Variants in ANKS1B observed in about 807,000 individuals in gnomAD.
ANKS1B encodes the protein ankyrin repeat and sterile alpha motif domain-containing protein 1B.
In ANKS1B, 36 loss-of-function variants were observed where a neutral mutation model predicts 148.3. The observed-to-expected ratio is 0.24, with a 90% CI of 0.19 to 0.32. ANKS1B has a LOEUF of 0.32. ANKS1B is among the 10% of genes least tolerant of loss of function. The pLI, the probability that ANKS1B is intolerant of heterozygous loss-of-function variation, is 1.00. For synonymous variants in ANKS1B, 542 were observed against 560.8 expected, an observed-to-expected ratio of 0.97 and a Z score of 0.47; for missense variants, 1,157 against 1,542.6, an observed-to-expected ratio of 0.75 and a Z score of 4.19.
chr12:98,737,631 AAC>A (rs2097779993), intron 9 of ANKS1B, among the ~76,000 whole-genome samples: 2 of 152,332 alleles, frequency 1.3e-5, no homozygotes, highest in South Asian at 4.1e-4. Context: ...ACGTGTTCAT[AAC>A]ACAGTCTATG....
At chr12:99,360,964 T>C (rs1593074841) in intron 12 of ANKS1B, among the ~76,000 whole-genome samples, 1 of 151,870 alleles carries the variant, frequency 6.6e-6, no homozygotes, top group South Asian at 2.1e-4. Context: ...CTGGGAAGGG[T>C]AGCTGGGGGA....
intron 9 of ANKS1B, 87 bp from the exon 10 acceptor site, chr12:99,504,728 A>C (rs2096689404): frequency 1.9e-6 from 2 of 1,032,456 alleles, no homozygotes; most frequent in East Asian, 2.7e-5. Context: ...AATCAGGTTC[A>C]TTAGTTCTTT....
chr12:99,546,444 A>T (rs1311512805), intron 9 of ANKS1B, among the ~76,000 whole-genome samples: 1 of 152,134 alleles, frequency 6.6e-6, no homozygotes, highest in African/African-American at 2.4e-5. Context: ...TGTTCTAGTC[A>T]CTCTAGAAGT....
Position 98,800,944 on chromosome 12 carries a change from A to C in ANKS1B, c.3270+53T>G. ...TCAATGTAAATGCAAACAAGCTGAA[A>C]ACATACCCCCTATCTCCACTTAGGC... On this transcript the variant is annotated intron_variant, in intron 21 of 26. Coordinates refer to ENST00000683438, the MANE Select transcript of ANKS1B (RefSeq NM_001352186.2). The C allele has an allele frequency of 1.3e-6, 2 of 1,564,930 alleles. 1 individual carries two copies. Among genetic ancestry groups the C allele is most frequent in the South Asian group, 2.4e-5 (2 of 82,800 alleles).
chr12:99,309,611 TCA>T (rs1336232957), intron 12 of ANKS1B, among the ~76,000 whole-genome samples: 1 of 152,016 alleles, frequency 6.6e-6, no homozygotes, highest in Non-Finnish European at 1.5e-5. Flanking sequence ...ATACATCTAG[TCA>T]CACATAAATA....
At chr12:99,370,065 T>G (rs898728072) in intron 12 of ANKS1B, among the ~76,000 whole-genome samples, 5 of 144,584 alleles carry the variant, frequency 3.5e-5, no homozygotes, top group Non-Finnish European at 7.6e-5. Flanking sequence ...CCCTTATAAG[T>G]GTGTAGGAGA....
chr12:99,021,603 C>T (rs148431005), intron 17 of ANKS1B, among the ~76,000 whole-genome samples: 1 of 152,102 alleles, frequency 6.6e-6, no homozygotes, highest in Non-Finnish European at 1.5e-5. Flanking sequence ...AGCATTATGA[C>T]TTTCACCTTG....
intron 14 of ANKS1B, among the ~76,000 whole-genome samples, chr12:99,233,228 G>T (rs897068118): frequency 6.6e-6 from 1 of 151,936 alleles, no homozygotes; most frequent in Non-Finnish European, 1.5e-5. Context: ...AACACTTCCG[G>T]TCACAAGCAT....
chr12:99,648,802 A>G, intron 9 of ANKS1B: 3 of 1,602,162 alleles, frequency 1.9e-6, no homozygotes, highest in Non-Finnish European at 2.6e-6. Context: ...GAGTCTATGC[A>G]GAGACTAGAT....
intron 10 of ANKS1B, among the ~76,000 whole-genome samples, chr12:99,467,345 C>A (rs919052300): frequency 2.6e-5 from 4 of 152,132 alleles, no homozygotes; most frequent in Non-Finnish European, 5.9e-5. Context: ...ACTGAATGGG[C>A]AAAAACTGGA....
rs116697224 is a variant in ANKS1B, at chr12:99,773,729, T to C, written c.962-641A>G. Among the ~76,000 whole-genome samples, 966 of 152,226 alleles carry C rather than the reference T, an allele frequency of 6.3e-3. 16 individuals carry two copies. The highest frequency in any genetic ancestry group is 0.023 in the African/African-American group (942 of 41,556). On this transcript the variant is annotated intron_variant, in intron 7 of 26. Coordinates refer to ENST00000683438, the MANE Select transcript of ANKS1B (RefSeq NM_001352186.2). ...TGCCCAGCAGTTACAATCCAGATTT[T>C]AATATTTTTATTCTGACATAAAAAC... is the stretch of plus-strand genomic sequence containing the variant.
At chr12:99,427,594 T>C (rs1276741606) in intron 11 of ANKS1B, among the ~76,000 whole-genome samples, 1 of 152,204 alleles carries the variant, frequency 6.6e-6, no homozygotes, top group Non-Finnish European at 1.5e-5. Context: ...TGAAGTTATA[T>C]TCTCTATTTA....
chr12:98,819,706 C>A (rs1296589125), intron 19 of ANKS1B, among the ~76,000 whole-genome samples: 1 of 152,200 alleles, frequency 6.6e-6, no homozygotes, highest in Non-Finnish European at 1.5e-5. Context: ...CATACATTTT[C>A]TGGCCCCTTC....
intron 17 of ANKS1B, among the ~76,000 whole-genome samples, chr12:99,045,450 T>C (rs1250054437): frequency 6.6e-6 from 1 of 152,124 alleles, no homozygotes; most frequent in Admixed American, 6.5e-5. Flanking sequence ...TAAAATCCTT[T>C]AGTGACTCCC....
At chr12:99,825,090 G>C (rs2083016517) in intron 2 of ANKS1B, among the ~76,000 whole-genome samples, 2 of 152,140 alleles carry the variant, frequency 1.3e-5, no homozygotes, top group African/African-American at 4.8e-5. Context: ...GATAGGTTGA[G>C]TATTTTAGAG....
intron 17 of ANKS1B, among the ~76,000 whole-genome samples, chr12:98,917,349 C>T (rs2099795742): frequency 6.6e-6 from 1 of 152,154 alleles, no homozygotes; most frequent in Non-Finnish European, 1.5e-5. Context: ...CTATGCTACC[C>T]TCAGGAAATG....
At chr12:99,675,669 C>T (rs1297921968) in intron 8 of ANKS1B, among the ~76,000 whole-genome samples, 1 of 151,468 alleles carries the variant, frequency 6.6e-6, no homozygotes, top group African/African-American at 2.4e-5. Flanking sequence ...ACCAATCTAA[C>T]CCAAAAAAAG....
At chr12:98,922,025 A>G (rs993303988) in intron 17 of ANKS1B, among the ~76,000 whole-genome samples, 2 of 152,252 alleles carry the variant, frequency 1.3e-5, no homozygotes, top group African/African-American at 4.8e-5. Context: ...CAAGATAACA[A>G]CAAGGAAACT....
At chr12:99,909,886 A>T (rs565146860) in intron 1 of ANKS1B, among the ~76,000 whole-genome samples, 14 of 152,148 alleles carry the variant, frequency 9.2e-5, no homozygotes, top group African/African-American at 2.4e-4. Flanking sequence ...GTATATAGTG[A>T]CTATTTCTCC....
Sources: allele counts gnomAD v4.1 joint callset (sites outside exome capture counted in the v4.1 genomes callset), GRCh38; gene constraint gnomAD v4.1.1; transcripts MANE v1.5; gene names NCBI Gene and HGNC (gene_info 2026-07-23, HGNC 2026-07-21).